Variants in IL1RAPL1 observed in about 807,000 individuals in gnomAD.
IL1RAPL1 encodes the protein interleukin 1 receptor accessory protein like 1.
In IL1RAPL1, 3 loss-of-function variants were observed where a neutral mutation model predicts 48.4. That is an observed-to-expected ratio of 0.06 (90% confidence interval 0.03 to 0.16). The LOEUF is 0.16. Among genes scored for constraint, IL1RAPL1 ranks in the 10% least tolerant of loss-of-function variants. The probability of loss-of-function intolerance (pLI) is 1.00; values close to 1 mark genes in which losing one functional copy is unlikely to be tolerated. For synonymous variants in IL1RAPL1, 185 were observed against 187.7 expected (o/e 0.99, Z 0.12); for missense variants, 349 against 530.6 (o/e 0.66, Z 3.36).
At chrX:29,766,481 A>G (rs1459293727) in intron 6 of IL1RAPL1, among the ~76,000 whole-genome samples, 1 of 61,015 alleles carries the variant, frequency 1.6e-5, no homozygotes, top group African/African-American at 5.2e-5. Context: ...ATATCCAAAT[A>G]TATATATATA....
intron 2 of IL1RAPL1, among the ~76,000 whole-genome samples, chrX:28,820,009 T>G: frequency 1.2e-5 from 1 of 80,325 alleles, no homozygotes; most frequent in South Asian, 6.3e-4. Flanking sequence ...TATATATATA[T>G]ATATACATGT....
chrX:28,919,878 A>G (rs1923576067), intron 2 of IL1RAPL1, among the ~76,000 whole-genome samples: 1 of 112,361 alleles, frequency 8.9e-6, no homozygotes, highest in Admixed American at 9.5e-5. Context: ...ATTCAAGACA[A>G]CATACTAAGT....
chrX:29,895,640 T>C (rs1932369944), intron 6 of IL1RAPL1, among the ~76,000 whole-genome samples: 1 of 113,157 alleles, frequency 8.8e-6, no homozygotes, highest in African/African-American at 3.2e-5. Flanking sequence ...TAATCATGCT[T>C]ATTTATCCAT....
intron 2 of IL1RAPL1, among the ~76,000 whole-genome samples, chrX:28,900,840 C>T (rs913722005): frequency 8.9e-6 from 1 of 111,774 alleles, no homozygotes; most frequent in African/African-American, 3.2e-5. Flanking sequence ...CTCCCCCTTT[C>T]TTTGTCCCTT....
At chrX:29,387,088 G>T (rs756737396) in intron 3 of IL1RAPL1, among the ~76,000 whole-genome samples, 60 of 111,640 alleles carry the variant, frequency 5.4e-4, no homozygotes, top group Non-Finnish European at 9.6e-4. Context: ...AACACGGGAT[G>T]AAAGAGTTGA....
intron 5 of IL1RAPL1, among the ~76,000 whole-genome samples, chrX:29,599,761 G>A (rs1412359373): frequency 1.8e-5 from 2 of 111,785 alleles, no homozygotes; most frequent in African/African-American, 6.5e-5. Context: ...TAATTCAAAA[G>A]CCCTGTCTTC....
At chrX:29,792,667 G>C (rs1929663060) in intron 6 of IL1RAPL1, among the ~76,000 whole-genome samples, 1 of 111,153 alleles carries the variant, frequency 9.0e-6, no homozygotes, top group Non-Finnish European at 1.9e-5. Context: ...CGGAAATCCT[G>C]ATCTGCTTGT....
chrX:28,984,885 GC>G (rs1158427567), intron 2 of IL1RAPL1, among the ~76,000 whole-genome samples: 1 of 111,705 alleles, frequency 9.0e-6, no homozygotes, highest in African/African-American at 3.2e-5. Flanking sequence ...ATTTCATGAG[GC>G]CTCTAGAGTT....
At chrX:29,676,635 T>G (rs1293334381) in intron 6 of IL1RAPL1, among the ~76,000 whole-genome samples, 1 of 111,663 alleles carries the variant, frequency 9.0e-6, no homozygotes, top group Non-Finnish European at 1.9e-5. Context: ...AATGATAATT[T>G]AAAGGACACT....
intron 5 of IL1RAPL1, 146 bp downstream of exon 5, chrX:29,399,454 C>T: frequency 2.0e-6 from 1 of 494,520 alleles, no homozygotes; most frequent in Non-Finnish European, 3.5e-6. Context: ...TTTATTCCTC[C>T]TTGCTTTTGA....
At chrX:29,401,452 A>G (rs1933991079) in intron 5 of IL1RAPL1, among the ~76,000 whole-genome samples, 1 of 111,431 alleles carries the variant, frequency 9.0e-6, no homozygotes, top group African/African-American at 3.3e-5. Flanking sequence ...ATGGTGTGAC[A>G]CTATAGCGCA....
At chrX:29,710,943 A>G (rs866703286) in intron 6 of IL1RAPL1, among the ~76,000 whole-genome samples, 2 of 106,378 alleles carry the variant, frequency 1.9e-5, no homozygotes, top group African/African-American at 3.4e-5. Context: ...GAAAATTCCT[A>G]CTGAAATTTA....
chrX:29,219,470 T>C (rs1307488607), intron 2 of IL1RAPL1, among the ~76,000 whole-genome samples: 3 of 111,234 alleles, frequency 2.7e-5, no homozygotes, highest in Non-Finnish European at 3.8e-5. Context: ...TAAATTATTA[T>C]AGTACAGTAT....
intron 5 of IL1RAPL1, among the ~76,000 whole-genome samples, chrX:29,446,371 A>AT (rs1223192251): frequency 8.9e-6 from 1 of 111,956 alleles, no homozygotes; most frequent in African/African-American, 3.2e-5. Flanking sequence ...TTAGTAAGTC[A>AT]TGCTGTATAT....
At chrX:29,036,616 A>G (rs1439233865) in intron 2 of IL1RAPL1, among the ~76,000 whole-genome samples, 2 of 112,232 alleles carry the variant, frequency 1.8e-5, no homozygotes, top group Non-Finnish European at 3.8e-5. Context: ...AGAGGTAGAA[A>G]CATCACAACC....
intron 5 of IL1RAPL1, among the ~76,000 whole-genome samples, chrX:29,616,849 C>G (rs1157974447): frequency 8.9e-6 from 1 of 111,879 alleles, no homozygotes; most frequent in Non-Finnish European, 1.9e-5. Flanking sequence ...GTCATTTTTA[C>G]CTAGACTGTT....
chrX:29,344,750 G>C (rs1171984068), intron 3 of IL1RAPL1, among the ~76,000 whole-genome samples: 2 of 112,083 alleles, frequency 1.8e-5, no homozygotes, highest in Non-Finnish European at 3.8e-5. Context: ...CGATTCTCCT[G>C]TCTCAGCCTC....
intron 1 of IL1RAPL1, among the ~76,000 whole-genome samples, chrX:28,591,696 A>G (rs1207059851): frequency 2.7e-5 from 3 of 111,188 alleles, no homozygotes; most frequent in Non-Finnish European, 5.7e-5. Context: ...GGAATCTCAA[A>G]GAGGAGAGTC....
intron 6 of IL1RAPL1, among the ~76,000 whole-genome samples, chrX:29,817,188 T>C (rs1376572918): frequency 8.9e-6 from 1 of 111,806 alleles, no homozygotes; most frequent in African/African-American, 3.2e-5. Context: ...TTTTGTACAA[T>C]AGCTTTTGAC....
Sources: gnomAD v4.1 joint callset for allele counts (sites outside exome capture counted in the v4.1 genomes callset) on GRCh38, gnomAD v4.1.1 for gene constraint, MANE v1.5 for transcripts, NCBI Gene and HGNC (gene_info 2026-07-23, HGNC 2026-07-21) for gene names.